EFCAB11: variants seen among roughly 807,000 people sequenced by gnomAD.
EFCAB11 encodes EF-hand calcium-binding domain-containing protein 11.
EFCAB11 carries 14 observed loss-of-function variants against 23.0 expected under a neutral mutation model. The observed-to-expected ratio is 0.61, with a 90% CI of 0.40 to 0.95. The LOEUF (loss-of-function observed/expected upper bound fraction) is 0.95. Among genes scored for constraint, EFCAB11 ranks in the 40% least tolerant of loss-of-function variants. The pLI is 0.00. For missense variants in EFCAB11, 198 were observed against 195.8 expected, an observed-to-expected ratio of 1.01 and a Z score of -0.07; for synonymous variants, 65 against 66.6, an observed-to-expected ratio of 0.98 and a Z score of 0.11.
At chr14:89,915,056 C>G (rs370454037) in intron 5 of EFCAB11, among the ~76,000 whole-genome samples, 1 of 151,988 alleles carries the variant, frequency 6.6e-6, no homozygotes, top group Non-Finnish European at 1.5e-5. Context: ...GTAATAATAA[C>G]GCAAGTCAAT....
At chr14:89,952,673 T>A (rs1891214196) in intron 2 of EFCAB11, 1 of 929,214 alleles carries the variant, frequency 1.1e-6, no homozygotes, top group African/African-American at 1.8e-5. Context: ...GTAAGTATGT[T>A]CTGTTGACAC....
At position 89,881,468 on chromosome 14, in the gene EFCAB11, CT is replaced by C. The variant is rs1222148222; in HGVS notation, c.410+50072del. Among the ~76,000 whole-genome samples, 136 of 18,814 alleles carry C rather than the reference CT, an allele frequency of 7.2e-3. 6 individuals are homozygous for C. The highest frequency in any genetic ancestry group is 0.021 in the Middle Eastern group (1 of 48). The allele number at this position is 18,814 out of a possible 152,430, so 12.3% of individuals were successfully genotyped here. A position where few individuals can be genotyped will look rare whatever the true frequency, so the allele number is the denominator to read the frequency against. The stretch of plus-strand genomic sequence containing the variant: ...ATGACTTGGCATATATATATATATT[CT>C]TTTTTTTTTTCTTTGTCACCCAGGC... On this transcript the variant is annotated intron_variant, in intron 5 of 5. Coordinates refer to ENST00000316738, the MANE Select transcript of EFCAB11 (RefSeq NM_145231.4).
rs865820668 is a variant in EFCAB11 at position 89,954,699 on chromosome 14, T to A, written c.-39A>T. Reference sequence around the variant, plus strand: ...ACCGAGCCCCAGCAACCCAACCAGCTACCACCGCTTTCCCAGCCTGGCTGG... The same window carrying A: ...ACCGAGCCCCAGCAACCCAACCAGCAACCACCGCTTTCCCAGCCTGGCTGG... On this transcript the variant is annotated 5_prime_UTR_variant, in exon 1 of 6. Coordinates refer to ENST00000316738, the MANE Select transcript of EFCAB11 (RefSeq NM_145231.4). 6.3e-7 allele frequency: 1 copy of A among 1,596,002 alleles called. No individual in the cohort carries two copies. Among genetic ancestry groups the A allele is most frequent in the Admixed American group, 1.7e-5 (1 of 58,548 alleles).
chr14:89,922,820 A>C (rs1890063080), intron 5 of EFCAB11, among the ~76,000 whole-genome samples: 1 of 152,220 alleles, frequency 6.6e-6, no homozygotes, highest in Non-Finnish European at 1.5e-5. Flanking sequence ...TGAAGAAGAA[A>C]GATATTTATG....
chr14:89,838,565 TA>T lies in EFCAB11; in HGVS notation c.411-41242del, dbSNP rs11314575. Among the ~76,000 whole-genome samples, 409 of 151,804 alleles carry T rather than the reference TA, an allele frequency of 2.7e-3. 4 individuals carry two copies. Among genetic ancestry groups the T allele is most frequent in the African/African-American group, 9.3e-3 (387 of 41,398 alleles). On this transcript the variant is annotated intron_variant, in intron 5 of 5. Transcript: ENST00000316738. ...GAGAGAAAATATTTAATGCTGCAAA[TA>T]TCAGATTAAGGGAGAAAAACAATAA...
At chr14:89,949,309 T>C (rs1891083524) in intron 3 of EFCAB11, among the ~76,000 whole-genome samples, 2 of 152,160 alleles carry the variant, frequency 1.3e-5, no homozygotes, top group African/African-American at 4.8e-5. Flanking sequence ...AACCTTTCTT[T>C]TGGACAACGG....
chr14:89,834,392 A>AC (rs1408026723), intron 5 of EFCAB11, among the ~76,000 whole-genome samples: 23 of 150,294 alleles, frequency 1.5e-4, no homozygotes, highest in South Asian at 6.3e-4. Context: ...AAAAAAAAAA[A>AC]AAAAAAAAAA....
At chr14:89,937,470 A>G (rs1596465697) in intron 3 of EFCAB11, among the ~76,000 whole-genome samples, 1 of 152,274 alleles carries the variant, frequency 6.6e-6, no homozygotes, top group African/African-American at 2.4e-5. Context: ...ACTGGAAAAC[A>G]TCTCCTTCCA....
At chr14:89,936,492 G>A (rs1300630470) in intron 3 of EFCAB11, among the ~76,000 whole-genome samples, 6 of 152,138 alleles carry the variant, frequency 3.9e-5, no homozygotes, top group Non-Finnish European at 7.3e-5. Context: ...AAATTACTCC[G>A]TATGTGTAAT....
intron 5 of EFCAB11, among the ~76,000 whole-genome samples, chr14:89,855,806 C>A (rs1887733679): frequency 6.6e-6 from 1 of 152,124 alleles, no homozygotes; most frequent in African/African-American, 2.4e-5. Context: ...GCCCTGGTAA[C>A]CACTGTTTTA....
At chr14:89,838,454 A>T (rs4406999) in intron 5 of EFCAB11, among the ~76,000 whole-genome samples, 1 of 149,930 alleles carries the variant, frequency 6.7e-6, no homozygotes, top group Non-Finnish European at 1.5e-5. Context: ...AAAAAAAAAA[A>T]CCAAAAAAAC....
At chr14:89,849,589 T>C (rs527994889) in intron 5 of EFCAB11, among the ~76,000 whole-genome samples, 2 of 149,984 alleles carry the variant, frequency 1.3e-5, no homozygotes, top group African/African-American at 2.4e-5. Context: ...TGCATTGCTT[T>C]TGTAACAAGG....
At chr14:89,834,784 G>A (rs1887017083) in intron 5 of EFCAB11, among the ~76,000 whole-genome samples, 2 of 152,244 alleles carry the variant, frequency 1.3e-5, no homozygotes, top group South Asian at 4.1e-4. Context: ...ATGAGAAGTA[G>A]AGAAGTGACT....
intron 5 of EFCAB11, among the ~76,000 whole-genome samples, chr14:89,807,678 TCA>T (rs1886012789): frequency 6.6e-6 from 1 of 152,210 alleles, no homozygotes; most frequent in Admixed American, 6.6e-5. Flanking sequence ...ATACCAGTTG[TCA>T]AATAATGCTT....
Position 89,954,680 on chromosome 14 carries a change from C to A in EFCAB11, c.-20G>T. ...GAACATCGCGACTACAACAACCGAG[C>A]CCCAGCAACCCAACCAGCTACCACC... On this transcript the variant is annotated 5_prime_UTR_variant, in exon 1 of 6. Coordinates refer to ENST00000316738, the MANE Select transcript of EFCAB11 (RefSeq NM_145231.4). 6.2e-7 allele frequency: 1 copy of A among 1,607,018 alleles called. No homozygotes were observed. Among genetic ancestry groups the A allele is most frequent in the Non-Finnish European group, 8.5e-7 (1 of 1,178,346 alleles).
intron 5 of EFCAB11, among the ~76,000 whole-genome samples, chr14:89,893,907 TAATG>T (rs1164370453): frequency 6.6e-6 from 1 of 152,106 alleles, no homozygotes; most frequent in South Asian, 2.1e-4. Flanking sequence ...TTCATCATAT[TAATG>T]AATTTCAAAA....
intron 5 of EFCAB11, among the ~76,000 whole-genome samples, chr14:89,914,642 G>A (rs1484709896): frequency 2.0e-5 from 3 of 152,014 alleles, no homozygotes; most frequent in Admixed American, 6.6e-5. Context: ...AAAATTACCC[G>A]GGCATGGTGG....
chr14:89,881,362 T>C (rs1433178184), intron 5 of EFCAB11, among the ~76,000 whole-genome samples: 1 of 148,388 alleles, frequency 6.7e-6, no homozygotes, highest in Admixed American at 6.7e-5. Flanking sequence ...AATCTCAGTT[T>C]CTCCAAAATC....
chr14:89,846,569 T>C (rs552523879), intron 5 of EFCAB11, among the ~76,000 whole-genome samples: 1 of 152,298 alleles, frequency 6.6e-6, no homozygotes, highest in Non-Finnish European at 1.5e-5. Flanking sequence ...AGGGATATCA[T>C]CAGCTACCCA....
Sources: gnomAD v4.1 joint callset for allele counts (sites outside exome capture counted in the v4.1 genomes callset) on GRCh38, gnomAD v4.1.1 for gene constraint, MANE v1.5 for transcripts, NCBI Gene and HGNC (gene_info 2026-07-23, HGNC 2026-07-21) for gene names.